The following SPATA13 variants were observed in gnomAD, a reference collection of about 807,000 sequenced individuals.
The protein encoded by SPATA13 is spermatogenesis associated 13, also known as spermatogenesis-associated protein 13.
In SPATA13, 50 loss-of-function variants were observed where a neutral mutation model predicts 104.0. The ratio of observed to expected loss-of-function variants is 0.48; its 90% CI spans 0.38 to 0.61. The LOEUF is 0.61. Among genes scored for constraint, SPATA13 ranks in the 20% least tolerant of loss-of-function variants. The pLI is 0.00. For missense variants in SPATA13, 1,524 were observed against 1,690.6 expected (o/e 0.90, Z 1.73); for synonymous variants, 606 against 667.5 (o/e 0.91, Z 1.42).
intron 4 of SPATA13, among the ~76,000 whole-genome samples, chr13:24,261,406 T>C (rs1874057217): frequency 6.6e-6 from 1 of 152,116 alleles, no homozygotes; most frequent in South Asian, 2.1e-4. Context: ...TCGATGAAGA[T>C]GACATCACCA....
intron 2 of SPATA13, among the ~76,000 whole-genome samples, chr13:24,234,380 G>T (rs886219310): frequency 1.3e-5 from 2 of 152,112 alleles, no homozygotes; most frequent in African/African-American, 4.8e-5. Context: ...GGGAATTTTA[G>T]CTTGATGACT....
chr13:24,298,951 T>G (rs1046099864), intron 11 of SPATA13, among the ~76,000 whole-genome samples: 4 of 152,222 alleles, frequency 2.6e-5, no homozygotes, highest in Admixed American at 6.5e-5. Context: ...AGGCAGCCCC[T>G]TACACCAAGT....
intron 4 of SPATA13, among the ~76,000 whole-genome samples, chr13:24,273,634 A>AGAGTAGG (rs1313428993): frequency 1.3e-5 from 2 of 152,260 alleles, no homozygotes; most frequent in African/African-American, 4.8e-5. Flanking sequence ...AGCTAGGATA[A>AGAGTAGG]GAGTAGGGAC....
chr13:24,126,594 T>C (rs1370009210), intron 3 of SPATA13, among the ~76,000 whole-genome samples: 2 of 152,138 alleles, frequency 1.3e-5, no homozygotes, highest in Admixed American at 1.3e-4. Flanking sequence ...ACAGGTTCTG[T>C]CACTCAGGCT....
chr13:23,986,976 T>C (rs1338175693), intron 2 of SPATA13, among the ~76,000 whole-genome samples: 1 of 150,386 alleles, frequency 6.6e-6, no homozygotes, highest in Non-Finnish European at 1.5e-5. Context: ...TCAAATCTTG[T>C]TATTTTAGAG....
intron 3 of SPATA13, among the ~76,000 whole-genome samples, chr13:24,045,307 T>G (rs960416820): frequency 2.0e-5 from 3 of 152,256 alleles, no homozygotes; most frequent in Non-Finnish European, 4.4e-5. Flanking sequence ...CTTTGTATTA[T>G]GTTTCTTCCC....
intron 3 of SPATA13, among the ~76,000 whole-genome samples, chr13:24,143,437 C>A (rs1433835246): frequency 6.6e-6 from 1 of 152,226 alleles, no homozygotes; most frequent in East Asian, 1.9e-4. Flanking sequence ...TGATAAAAAT[C>A]CGCAGCTGCT....
At chr13:23,999,528 T>C (rs189472271) in intron 2 of SPATA13, among the ~76,000 whole-genome samples, 1 of 152,260 alleles carries the variant, frequency 6.6e-6, no homozygotes, top group Admixed American at 6.5e-5. Flanking sequence ...CAGGTGATAG[T>C]TTTAAGTGTA....
chr13:24,170,505 A>T (rs924591379), intron 1 of SPATA13, among the ~76,000 whole-genome samples: 5 of 152,218 alleles, frequency 3.3e-5, no homozygotes, highest in African/African-American at 1.2e-4. Context: ...GTCTGTCGTC[A>T]GCAAGAGGTG....
chr13:24,123,437 T>C (rs1881106145), intron 3 of SPATA13: 1 of 1,438,638 alleles, frequency 7.0e-7, no homozygotes, highest in Non-Finnish European at 9.8e-7. Context: ...GCAACATGCA[T>C]TCCATCTGAT....
chr13:24,116,607 T>C, intron 3 of SPATA13, among the ~76,000 whole-genome samples: 1 of 152,146 alleles, frequency 6.6e-6, no homozygotes, highest in East Asian at 1.9e-4. Flanking sequence ...ATTTTACAGA[T>C]GAAACGTCTC....
At chr13:24,129,497 A>C (rs1881329156) in intron 3 of SPATA13, among the ~76,000 whole-genome samples, 1 of 152,186 alleles carries the variant, frequency 6.6e-6, no homozygotes, top group Non-Finnish European at 1.5e-5. Flanking sequence ...GGAGAGGGTG[A>C]TTTGCAGACC....
chr13:24,258,598 G>A (rs1215957650), intron 4 of SPATA13, among the ~76,000 whole-genome samples: 1 of 151,710 alleles, frequency 6.6e-6, no homozygotes, highest in African/African-American at 2.4e-5. Flanking sequence ...GAGCCTGGGA[G>A]GCAGAGGTTG....
chr13:24,296,801 A>G (rs548586791), intron 10 of SPATA13, among the ~76,000 whole-genome samples: 72 of 152,148 alleles, frequency 4.7e-4, no homozygotes, highest in African/African-American at 1.7e-3. Context: ...TTTTCTAGTA[A>G]GCAGGAAAAA....
At chr13:24,184,710 T>G (rs1401989557) in intron 1 of SPATA13, among the ~76,000 whole-genome samples, 1 of 152,186 alleles carries the variant, frequency 6.6e-6, no homozygotes, top group Admixed American at 6.5e-5. Flanking sequence ...ATCTCAGTTG[T>G]GAAGGTCCAA....
chr13:24,256,010 T>C (rs972906954), intron 4 of SPATA13, among the ~76,000 whole-genome samples: 6 of 152,270 alleles, frequency 3.9e-5, no homozygotes, highest in African/African-American at 1.4e-4. Context: ...AAATACTTTC[T>C]GCATAAAATA....
At chr13:24,050,331 T>C in intron 3 of SPATA13, among the ~76,000 whole-genome samples, 1 of 152,248 alleles carries the variant, frequency 6.6e-6, no homozygotes, top group Non-Finnish European at 1.5e-5. Flanking sequence ...CCTTGAAATC[T>C]GATAATGCTG....
rs1289126357 is a variant in SPATA13 at position 24,190,212 on chromosome 13, A to C, written c.-112+29280A>C. Among the ~76,000 whole-genome samples, 3 of 115,018 alleles carry C rather than the reference A, an allele frequency of 2.6e-5. 1 individual carries two copies. The highest frequency in any genetic ancestry group is 1.1e-4 in the African/African-American group (3 of 28,438). 75.5% of individuals were successfully genotyped at this position (115,018 alleles called of 152,430 possible). Reference sequence around the variant, plus strand: ...TATATAATATATATTATTATATAACATATCATATATAATATATATTATTAT... The same window carrying C: ...TATATAATATATATTATTATATAACCTATCATATATAATATATATTATTAT... On this transcript the variant is annotated intron_variant, in intron 1 of 12. Coordinates refer to ENST00000382108, the MANE Select transcript of SPATA13 (RefSeq NM_001166271.3).
intron 7 of SPATA13, 102 bp from the exon 8 acceptor site, chr13:24,288,897 A>T: frequency 1.9e-6 from 2 of 1,050,458 alleles, no homozygotes; most frequent in Non-Finnish European, 2.7e-6. Flanking sequence ...CTTTTTAATT[A>T]AAATTCATTC....
Sources: allele counts gnomAD v4.1 joint callset (sites outside exome capture counted in the v4.1 genomes callset), GRCh38; gene constraint gnomAD v4.1.1; transcripts MANE v1.5; gene names NCBI Gene and HGNC (gene_info 2026-07-23, HGNC 2026-07-21).